Variants in NPAS2 observed in about 807,000 individuals in gnomAD.
NPAS2 encodes the protein neuronal PAS domain protein 2.
A neutral mutation model predicts 107.5 loss-of-function variants in NPAS2; 23 were observed. The ratio of observed to expected loss-of-function variants is 0.21; its 90% CI spans 0.15 to 0.30. The LOEUF is 0.30. Ranked by LOEUF, NPAS2 falls within the 10% of genes least tolerant of loss-of-function variation. NPAS2 has a pLI of 1.00. For missense variants in NPAS2, 756 were observed against 1,043.3 expected, an observed-to-expected ratio of 0.72 and a Z score of 3.79; for synonymous variants, 403 against 417.5, an observed-to-expected ratio of 0.97 and a Z score of 0.42.
chr2:100,845,252 T>C (rs1280546006), intron 1 of NPAS2, among the ~76,000 whole-genome samples: 1 of 152,192 alleles, frequency 6.6e-6, no homozygotes, highest in Non-Finnish European at 1.5e-5. Flanking sequence ...GGGCTGATCA[T>C]TATAGTTTGG....
At chr2:100,988,986 C>T (rs1191220205) in intron 17 of NPAS2, 2 of 246,250 alleles carry the variant, frequency 8.1e-6, no homozygotes, top group Admixed American at 1.2e-4. Flanking sequence ...CCCCCTGCTC[C>T]TCCAGGCCCC....
chr2:100,834,680 TTTTTC>T (rs141665392), intron 1 of NPAS2, among the ~76,000 whole-genome samples: 1,705 of 152,030 alleles, frequency 0.011, 33 homozygotes, highest in African/African-American at 0.039. Flanking sequence ...CCCTTTATCA[TTTTTC>T]TTTTCTTTTC....
chr2:100,842,109 A>ACACACACACACACACACACT (rs1558798546), intron 1 of NPAS2, among the ~76,000 whole-genome samples: 2 of 151,118 alleles, frequency 1.3e-5, no homozygotes, highest in African/African-American at 2.5e-5. Flanking sequence ...ACACACACAC[A>ACACACACACACACACACACT]CTTAAGCCCC....
At chr2:100,943,494 A>G (rs141028918) in intron 5 of NPAS2, among the ~76,000 whole-genome samples, 1 of 152,224 alleles carries the variant, frequency 6.6e-6, no homozygotes, top group Non-Finnish European at 1.5e-5. Flanking sequence ...GGTAATGCGG[A>G]TGTCTGAAGA....
At chr2:100,929,055 C>G (rs1399707807) in intron 3 of NPAS2, among the ~76,000 whole-genome samples, 1 of 152,210 alleles carries the variant, frequency 6.6e-6, no homozygotes, top group African/African-American at 2.4e-5. Flanking sequence ...AGACACGTGC[C>G]ACCACACCTG....
intron 1 of NPAS2, among the ~76,000 whole-genome samples, chr2:100,855,085 G>A (rs989845531): frequency 6.6e-6 from 1 of 152,156 alleles, no homozygotes. Flanking sequence ...AGCTTTACTT[G>A]TAAAAATGTG....
intron 1 of NPAS2, among the ~76,000 whole-genome samples, chr2:100,868,707 T>C (rs1243307058): frequency 1.3e-5 from 2 of 152,234 alleles, no homozygotes; most frequent in Non-Finnish European, 2.9e-5. Flanking sequence ...TTCCTTCAGA[T>C]CTGTGTTAAA....
intron 1 of NPAS2, among the ~76,000 whole-genome samples, chr2:100,887,217 T>C (rs1011634670): frequency 1.3e-5 from 2 of 152,060 alleles, no homozygotes; most frequent in Non-Finnish European, 2.9e-5. Context: ...CTCCTATAAG[T>C]AGAGCACCTG....
At chr2:100,882,429 G>A (rs1680416265) in intron 1 of NPAS2, among the ~76,000 whole-genome samples, 1 of 152,140 alleles carries the variant, frequency 6.6e-6, no homozygotes, top group Non-Finnish European at 1.5e-5. Context: ...CTAACACAGT[G>A]AAACCCCATC....
intron 1 of NPAS2, among the ~76,000 whole-genome samples, chr2:100,834,793 C>T (rs548651529): frequency 1.4e-4 from 21 of 152,196 alleles, no homozygotes; most frequent in African/African-American, 4.8e-4. Context: ...GTCCCAGGTT[C>T]GAGCCATTCT....
chr2:100,969,022 T>C (rs4851393), intron 11 of NPAS2, among the ~76,000 whole-genome samples: 29,255 of 151,950 alleles, frequency 0.19, 3,742 homozygotes, highest in East Asian at 0.53. Context: ...TCATAGATGC[T>C]GCCTTTGTGG....
chr2:100,820,763 G>A lies in NPAS2; in HGVS notation c.-23+349G>A, dbSNP rs1676024467. 6.6e-6 allele frequency among the ~76,000 whole-genome samples: 1 copy of A among 152,182 alleles called. No homozygotes were observed. Among genetic ancestry groups the A allele is most frequent in the South Asian group, 2.1e-4 (1 of 4,828 alleles). On this transcript the variant is annotated intron_variant, in intron 1 of 20. Coordinates refer to ENST00000335681, the MANE Select transcript of NPAS2 (RefSeq NM_002518.4). The surrounding 1 kb of genome is among the most constrained non-coding windows in gnomAD (Gnocchi z 5.6). ...AGGGTGGAGAAGGATCGTGCCCCAG[G>A]GCAACAGCTTTGGGGATTGCCCGTG...
At chr2:100,833,901 A>G (rs1342519534) in intron 1 of NPAS2, among the ~76,000 whole-genome samples, 1 of 152,186 alleles carries the variant, frequency 6.6e-6, no homozygotes, top group Non-Finnish European at 1.5e-5. Flanking sequence ...AAGAATAAGG[A>G]TCACCTGGTT....
chr2:100,846,437 G>C (rs996692224), intron 1 of NPAS2, among the ~76,000 whole-genome samples: 7 of 152,164 alleles, frequency 4.6e-5, no homozygotes, highest in Non-Finnish European at 8.8e-5. Flanking sequence ...TCTTGTCTTT[G>C]TGTGTGTTTG....
At chr2:100,928,515 A>C (rs1171884009) in intron 3 of NPAS2, among the ~76,000 whole-genome samples, 1 of 152,158 alleles carries the variant, frequency 6.6e-6, no homozygotes, top group Non-Finnish European at 1.5e-5. Flanking sequence ...AGGATAAGTC[A>C]GCAGAAATGC....
At chr2:100,921,192 G>A (rs1396485635) in intron 2 of NPAS2, among the ~76,000 whole-genome samples, 3 of 152,222 alleles carry the variant, frequency 2.0e-5, no homozygotes, top group Non-Finnish European at 1.5e-5. Flanking sequence ...GGGCACTGGA[G>A]CCAGCCTGTG....
intron 1 of NPAS2, among the ~76,000 whole-genome samples, chr2:100,891,092 C>T (rs1284293867): frequency 1.3e-5 from 2 of 151,940 alleles, no homozygotes; most frequent in Non-Finnish European, 2.9e-5. Context: ...ATTAGCCGGG[C>T]GTGGTGGCAG....
At chr2:100,854,119 C>G (rs1678402206) in intron 1 of NPAS2, among the ~76,000 whole-genome samples, 1 of 147,154 alleles carries the variant, frequency 6.8e-6, no homozygotes, top group Non-Finnish European at 1.5e-5. Context: ...CACTGCACTC[C>G]AGCCTCGACA....
intron 1 of NPAS2, among the ~76,000 whole-genome samples, chr2:100,859,755 A>G (rs1678818934): frequency 6.6e-6 from 1 of 152,234 alleles, no homozygotes; most frequent in East Asian, 1.9e-4. Context: ...GAAAGCGGTA[A>G]GGGTGGGTGG....
Sources: gnomAD v4.1 joint callset for allele counts (sites outside exome capture counted in the v4.1 genomes callset) on GRCh38, gnomAD v4.1.1 for gene constraint, Gnocchi (gnomAD v3.1) non-coding constraint, MANE v1.5 for transcripts, NCBI Gene and HGNC (gene_info 2026-07-23, HGNC 2026-07-21) for gene names.